Variants in NCKAP5 observed in about 807,000 individuals in gnomAD.
NCKAP5 encodes the protein nck-associated protein 5.
Under a neutral mutation model 167.0 loss-of-function variants are expected in NCKAP5, and 92 were observed. The observed-to-expected ratio is 0.55, with a 90% CI of 0.47 to 0.66. The LOEUF (loss-of-function observed/expected upper bound fraction) is 0.66. NCKAP5 is among the 30% of genes least tolerant of loss of function. The pLI is 0.00. For synonymous variants in NCKAP5, 891 were observed against 877.4 expected (o/e 1.02, Z -0.27); for missense variants, 2,378 against 2,315.0 (o/e 1.03, Z -0.56).
At chr2:132,845,802 T>G (rs1688619246) in intron 11 of NCKAP5, among the ~76,000 whole-genome samples, 1 of 152,208 alleles carries the variant, frequency 6.6e-6, no homozygotes, top group Non-Finnish European at 1.5e-5. Flanking sequence ...ACAATCAGCT[T>G]GACAAGTCCC....
At chr2:132,872,973 T>C (rs896755461) in intron 9 of NCKAP5, among the ~76,000 whole-genome samples, 2 of 152,106 alleles carry the variant, frequency 1.3e-5, no homozygotes, top group African/African-American at 4.8e-5. Context: ...CATGAGATGA[T>C]AGACATAATC....
intron 6 of NCKAP5, among the ~76,000 whole-genome samples, chr2:133,052,165 C>T (rs2079626970): frequency 6.6e-6 from 1 of 152,180 alleles, no homozygotes; most frequent in South Asian, 2.1e-4. Flanking sequence ...CTTGCTTTTA[C>T]TTTTCATCAA....
chr2:133,371,259 T>C (rs1301290640), intron 3 of NCKAP5, among the ~76,000 whole-genome samples: 1 of 152,200 alleles, frequency 6.6e-6, no homozygotes, highest in African/African-American at 2.4e-5. Flanking sequence ...TTCTTGCCAA[T>C]TGGATTCTTT....
chr2:133,294,946 T>C (rs1394937389), intron 4 of NCKAP5, among the ~76,000 whole-genome samples: 2 of 152,212 alleles, frequency 1.3e-5, no homozygotes, highest in Non-Finnish European at 1.5e-5. Context: ...TTACTCCCCC[T>C]GGTGATGTAG....
chr2:133,086,570 A>G (rs570414160), intron 6 of NCKAP5, among the ~76,000 whole-genome samples: 5 of 152,250 alleles, frequency 3.3e-5, no homozygotes, highest in Admixed American at 2.0e-4. Context: ...TGAGCCTAGG[A>G]ATTCAATGCT....
At chr2:133,015,064 T>A (rs1445734534) in intron 6 of NCKAP5, among the ~76,000 whole-genome samples, 1 of 152,230 alleles carries the variant, frequency 6.6e-6, no homozygotes, top group East Asian at 1.9e-4. Context: ...ATACACTTTA[T>A]AACAGATAAG....
At position 132,846,071 on chromosome 2, in the gene NCKAP5, A is replaced by G. The variant is rs116339397; in HGVS notation, c.807+14421T>C. ...AATCTTTTCTCAATTACATTTTCCA[A>G]TTGGTTGTTACTGATATATAAGAAA... On this transcript the variant is annotated intron_variant, in intron 11 of 19. Transcript: ENST00000409261. Among the ~76,000 whole-genome samples the G allele has an allele frequency of 7.6e-3, 1,160 of 151,962 alleles. 13 individuals are homozygous for G. The highest frequency in any genetic ancestry group is 0.027 in the African/African-American group (1,109 of 41,458).
At chr2:133,008,187 C>A (rs1259227207) in intron 6 of NCKAP5, among the ~76,000 whole-genome samples, 2 of 152,074 alleles carry the variant, frequency 1.3e-5, no homozygotes, top group South Asian at 4.1e-4. Flanking sequence ...TTGGGTGTTA[C>A]TTTTTTCCTC....
At chr2:132,952,915 G>A (rs935308794) in intron 8 of NCKAP5, among the ~76,000 whole-genome samples, 1 of 152,220 alleles carries the variant, frequency 6.6e-6, no homozygotes, top group Non-Finnish European at 1.5e-5. Flanking sequence ...TCTACAGATG[G>A]ATTGAAGCAC....
At chr2:132,791,627 C>T (rs1684076040) in intron 12 of NCKAP5, among the ~76,000 whole-genome samples, 1 of 152,134 alleles carries the variant, frequency 6.6e-6, no homozygotes, top group South Asian at 2.1e-4. Context: ...AGCCATCTGT[C>T]TTTGTGTCAC....
At position 133,172,837 on chromosome 2, in the gene NCKAP5, C is replaced by T. The variant is rs922394055; in HGVS notation, c.207+40879G>A. ...TAATTTTTTGTATTTTTAGTAGAGA[C>T]GGGTTTTCACTGTGTTAGCCAGGGT... On this transcript the variant is annotated intron_variant, in intron 5 of 19. Transcript: ENST00000409261. Among the ~76,000 whole-genome samples the T allele has an allele frequency of 7.2e-5, 11 of 152,048 alleles. No individual in the cohort carries two copies. The East Asian group carries it at 7.7e-4, about 11-fold the overall frequency.
intron 8 of NCKAP5, among the ~76,000 whole-genome samples, chr2:132,880,698 C>T (rs1395171188): frequency 6.6e-6 from 1 of 152,088 alleles, no homozygotes. Context: ...GTGACACAAT[C>T]ATTATACATT....
intron 6 of NCKAP5, among the ~76,000 whole-genome samples, chr2:133,016,591 G>A (rs568206696): frequency 3.9e-5 from 6 of 152,280 alleles, no homozygotes; most frequent in East Asian, 1.9e-4. Context: ...AAGAAAGCGC[G>A]GTCTGACGGC....
intron 19 of NCKAP5, among the ~76,000 whole-genome samples, chr2:132,703,136 A>C (rs1688037751): frequency 6.6e-6 from 1 of 152,172 alleles, no homozygotes; most frequent in Non-Finnish European, 1.5e-5. Flanking sequence ...AGCTATGATC[A>C]TACTAGTACA....
At chr2:133,638,857 C>CAAAAAAAAAAAAAA in the NCKAP5 span, among the ~76,000 whole-genome samples, 167 of 83,880 alleles carry the variant, frequency 2.0e-3, 3 homozygotes, top group African/African-American at 6.0e-3. Context: ...GACTCTATCT[C>CAAAAAAAAAAAAAA]AAAAAAAAAA....
At position 132,694,116 on chromosome 2, in the gene NCKAP5, T is replaced by TTTAG. The variant is rs574723010; in HGVS notation, c.5714-20812_5714-20811insCTAA. On this transcript the variant is annotated intron_variant, in intron 19 of 19. Coordinates refer to ENST00000409261, the MANE Select transcript of NCKAP5 (RefSeq NM_207363.3). ...AAGTTTTAAGTGTTTTATTTATTTA[T>TTTAG]TTATTTATTTATTTATTTATTTTTT... Among the ~76,000 whole-genome samples, 368 of 150,688 alleles carry TTTAG rather than the reference T, an allele frequency of 2.4e-3. 1 individual carries two copies. Among genetic ancestry groups the TTTAG allele is most frequent in the Admixed American group, 7.2e-3 (109 of 15,162 alleles).
intron 4 of NCKAP5, among the ~76,000 whole-genome samples, chr2:133,288,520 G>C (rs939336847): frequency 6.6e-6 from 1 of 151,936 alleles, no homozygotes; most frequent in Non-Finnish European, 1.5e-5. Flanking sequence ...CCTTTAATAG[G>C]GACCATAACC....
chr2:132,826,201 T>A (rs1442515344), intron 11 of NCKAP5, among the ~76,000 whole-genome samples: 3 of 152,194 alleles, frequency 2.0e-5, no homozygotes, highest in Non-Finnish European at 4.4e-5. Flanking sequence ...AAATAAACAT[T>A]ACATATTTAG....
At chr2:133,448,211 T>C (rs190853933) in intron 3 of NCKAP5, among the ~76,000 whole-genome samples, 2 of 151,446 alleles carry the variant, frequency 1.3e-5, no homozygotes, top group Non-Finnish European at 2.9e-5. Context: ...CTCCCCTTTG[T>C]CAACCTTCTG....
Sources: gnomAD v4.1 joint callset for allele counts (sites outside exome capture counted in the v4.1 genomes callset) on GRCh38, gnomAD v4.1.1 for gene constraint, MANE v1.5 for transcripts, NCBI Gene and HGNC (gene_info 2026-07-23, HGNC 2026-07-21) for gene names.